The following ZRANB3 variants were observed in gnomAD, a reference collection of about 807,000 sequenced individuals.
ZRANB3 encodes DNA annealing helicase and endonuclease ZRANB3.
A neutral mutation model predicts 133.8 loss-of-function variants in ZRANB3; 125 were observed. That is an observed-to-expected ratio of 0.93 (90% CI 0.81 to 1.08). ZRANB3 has a LOEUF of 1.08. Among genes scored for constraint, ZRANB3 ranks in the 50% least tolerant of loss-of-function variants. ZRANB3 has a pLI of 0.00. For synonymous variants in ZRANB3, 387 were observed against 432.7 expected, an observed-to-expected ratio of 0.89 and a Z score of 1.31; for missense variants, 1,229 against 1,275.5, an observed-to-expected ratio of 0.96 and a Z score of 0.56.
chr2:135,261,243 G>C (rs1448222266), intron 12 of ZRANB3, among the ~76,000 whole-genome samples: 2 of 152,058 alleles, frequency 1.3e-5, no homozygotes, highest in Non-Finnish European at 2.9e-5. Context: ...ATTCCCGTTG[G>C]AAATGCTGAA....
intron 8 of ZRANB3, among the ~76,000 whole-genome samples, chr2:135,288,873 CGTGTGTGTGTGTGTGTGTGTGT>C (rs57200280): frequency 7.1e-6 from 1 of 141,398 alleles, no homozygotes; most frequent in African/African-American, 2.6e-5. Flanking sequence ...CTTCATTTAT[CGTGTGTGTGTGTGTGTGTGTGT>C]GTGTGTGTGT....
chr2:135,489,702 A>G (rs1692290769), intron 2 of ZRANB3, among the ~76,000 whole-genome samples: 1 of 151,876 alleles, frequency 6.6e-6, no homozygotes. Context: ...AACAGGTACT[A>G]CTAAAATAGG....
At chr2:135,499,683 G>C (rs776780832) in intron 2 of ZRANB3, among the ~76,000 whole-genome samples, 4 of 152,128 alleles carry the variant, frequency 2.6e-5, no homozygotes, top group Admixed American at 2.6e-4. Context: ...TATCTAAAAT[G>C]AAAATAAAGA....
At chr2:135,371,634 T>A (rs1405878611) in intron 3 of ZRANB3, among the ~76,000 whole-genome samples, 2 of 152,222 alleles carry the variant, frequency 1.3e-5, no homozygotes, top group East Asian at 3.8e-4. Flanking sequence ...GCATTTGTAC[T>A]CTGCTAGTGG....
At position 135,275,739 on chromosome 2, in the gene ZRANB3, T is replaced by A. The variant is rs749936629; in HGVS notation, c.983A>T (p.Asp328Val). 1 of 1,585,870 alleles carries A rather than the reference T, an allele frequency of 6.3e-7. No homozygotes were observed. Among genetic ancestry groups the A allele is most frequent in the Admixed American group, 1.7e-5 (1 of 57,244 alleles). ...TAIAKAGAVK[D>V]YIKMMLQNDS... ...ATTCTGAAGCATCATCTTAATATAA[T>A]CCTTTACAGCACCTGCCTAAATATT... The change falls in exon 9 of 21, where the codon GAT becomes GTT. Residue 328 changes from aspartate to valine, a missense_variant. Asp to Val is a radical substitution (Grantham distance 152). Transcript: ENST00000264159.
chr2:135,446,669 G>A (rs192415298), intron 2 of ZRANB3, among the ~76,000 whole-genome samples: 22 of 152,270 alleles, frequency 1.4e-4, no homozygotes, highest in Admixed American at 1.4e-3. Context: ...ATTTGAGAGT[G>A]TATTTGAGGA....
At chr2:135,449,172 G>A (rs909246660) in intron 2 of ZRANB3, among the ~76,000 whole-genome samples, 1 of 152,170 alleles carries the variant, frequency 6.6e-6, no homozygotes, top group Non-Finnish European at 1.5e-5. Context: ...AGCACCAGGT[G>A]AGATTCCAGC....
intron 8 of ZRANB3, among the ~76,000 whole-genome samples, chr2:135,277,264 A>G (rs1680870363): frequency 6.6e-6 from 1 of 152,212 alleles, no homozygotes; most frequent in Non-Finnish European, 1.5e-5. Context: ...AGAAAAAACT[A>G]AAGATACTGC....
chr2:135,249,259 G>C (rs1256895899), intron 12 of ZRANB3, among the ~76,000 whole-genome samples: 1 of 152,200 alleles, frequency 6.6e-6, no homozygotes, highest in African/African-American at 2.4e-5. Context: ...ATGCCCAGAG[G>C]AATAGAAATC....
intron 12 of ZRANB3, among the ~76,000 whole-genome samples, chr2:135,240,554 T>C (rs1299459024): frequency 1.3e-5 from 2 of 152,164 alleles, no homozygotes; most frequent in South Asian, 2.1e-4. Flanking sequence ...CTTTATTCAG[T>C]AGTTTTGCTG....
intron 1 of ZRANB3, among the ~76,000 whole-genome samples, chr2:135,505,044 T>G (rs1440546408): frequency 6.6e-6 from 1 of 152,050 alleles, no homozygotes; most frequent in Non-Finnish European, 1.5e-5. Context: ...TTAATTCTTT[T>G]TAATGAGCTG....
intron 2 of ZRANB3, among the ~76,000 whole-genome samples, chr2:135,398,047 CTTTT>C (rs966693695): frequency 1.3e-3 from 201 of 152,114 alleles, no homozygotes; most frequent in African/African-American, 4.7e-3. Context: ...TGTTCTTTTT[CTTTT>C]TGTTTTTCTT....
intron 8 of ZRANB3, among the ~76,000 whole-genome samples, chr2:135,285,290 A>G (rs1681300936): frequency 1.3e-5 from 2 of 152,184 alleles, no homozygotes; most frequent in Non-Finnish European, 2.9e-5. Context: ...ACATCTCCAT[A>G]TAGTTAATAT....
At chr2:135,231,520 G>A (rs1695013209) in intron 12 of ZRANB3, among the ~76,000 whole-genome samples, 4 of 152,192 alleles carry the variant, frequency 2.6e-5, no homozygotes, top group African/African-American at 9.7e-5. Context: ...AGCACTTTGG[G>A]AGGCTGATAT....
chr2:135,405,449 A>G (rs1050153505), intron 2 of ZRANB3, among the ~76,000 whole-genome samples: 6 of 152,218 alleles, frequency 3.9e-5, no homozygotes, highest in Non-Finnish European at 7.4e-5. Flanking sequence ...GGAATTAAAT[A>G]CAGCTCTGCA....
intron 17 of ZRANB3, among the ~76,000 whole-genome samples, chr2:135,212,583 C>A (rs774898685): frequency 6.6e-5 from 10 of 152,198 alleles, no homozygotes; most frequent in Non-Finnish European, 1.2e-4. Context: ...AAAAACGGAG[C>A]TGACAACTTT....
At position 135,474,138 on chromosome 2, in the gene ZRANB3, C is replaced by G. The variant is rs866336429; in HGVS notation, c.161+30191G>C. ...CCTGGAAACCAGAGGTTGCAGTGAA[C>G]CATGATAGCACCCCTGCACTCTGGC... On this transcript the variant is annotated intron_variant, in intron 2 of 20. Transcript: ENST00000264159. Among the ~76,000 whole-genome samples, 333 of 152,162 alleles carry G rather than the reference C, an allele frequency of 2.2e-3. 1 individual carries two copies. Among genetic ancestry groups the G allele is most frequent in the African/African-American group, 7.9e-3 (326 of 41,512 alleles).
At chr2:135,351,758 G>T (rs1197905068) in intron 4 of ZRANB3, among the ~76,000 whole-genome samples, 1 of 152,152 alleles carries the variant, frequency 6.6e-6, no homozygotes, top group Admixed American at 6.5e-5. Flanking sequence ...GAAAGTATAT[G>T]TATTTGTGGT....
At chr2:135,433,754 T>C (rs1056699210) in intron 2 of ZRANB3, among the ~76,000 whole-genome samples, 16 of 152,176 alleles carry the variant, frequency 1.1e-4, no homozygotes, top group Non-Finnish European at 1.3e-4. Context: ...ACCGGCACTT[T>C]GGGAGGCCGA....
Sources: gnomAD v4.1 joint callset for allele counts (sites outside exome capture counted in the v4.1 genomes callset) on GRCh38, gnomAD v4.1.1 for gene constraint, MANE v1.5 for transcripts, NCBI Gene and HGNC (gene_info 2026-07-23, HGNC 2026-07-21) for gene names.